OPTC: variants seen among roughly 807,000 people sequenced by gnomAD.
OPTC encodes oculoglycan.
In OPTC, 22 loss-of-function variants were observed where a neutral mutation model predicts 25.4. The observed-to-expected ratio is 0.87, with a 90% CI of 0.62 to 1.24. The LOEUF is 1.24. OPTC is among the 50% of genes most tolerant of loss of function. The probability of loss-of-function intolerance (pLI) is 0.00; values close to 1 mark genes in which losing one functional copy is unlikely to be tolerated. For synonymous variants in OPTC, 169 were observed against 179.3 expected (o/e 0.94, Z 0.46); for missense variants, 417 against 425.2 (o/e 0.98, Z 0.17).
At chr1:203,505,951 AGTGT>A (rs34373102) in intron 7 of OPTC, among the ~76,000 whole-genome samples, 1 of 149,980 alleles carries the variant, frequency 6.7e-6, no homozygotes, top group Non-Finnish European at 1.5e-5. Flanking sequence ...TCTCTCTCAG[AGTGT>A]GTGTGTGTGT....
intron 5 of OPTC, among the ~76,000 whole-genome samples, chr1:203,500,737 C>T (rs1661380365): frequency 6.6e-6 from 1 of 152,128 alleles, no homozygotes; most frequent in Non-Finnish European, 1.5e-5. Flanking sequence ...CTTTTGAGCA[C>T]TTTGTTGATG....
chr1:203,500,320 T>C (rs997656430), intron 5 of OPTC, among the ~76,000 whole-genome samples: 1 of 16,280 alleles, frequency 6.1e-5, no homozygotes, highest in East Asian at 1.7e-3. Flanking sequence ...CACCTCCACC[T>C]CTACCACCCA....
rs776915483 is a variant in OPTC, at chr1:203,496,995, G to A, written c.250G>A (p.Ala84Thr). ...QLPEVKVTSL[A>T]PATSISPAKS... The stretch of plus-strand genomic sequence containing the variant: ...TCTCCAGGTTAAGGTGACTAGCCTC[G>A]CTCCTGCAACCAGCATCAGTCCCGC... Residue 84 changes from alanine to threonine, a missense_variant, in exon 3 of 8, where the codon GCT (alanine) becomes ACT (threonine). Coordinates refer to ENST00000367222, the MANE Select transcript of OPTC (RefSeq NM_014359.4). The A allele has an allele frequency of 1.4e-5, 23 of 1,613,902 alleles. No individual in the cohort carries two copies. Among genetic ancestry groups the A allele is most frequent in the African/African-American group, 9.4e-5 (7 of 74,858 alleles).
At position 203,496,236 on chromosome 1, in the gene OPTC, G is replaced by A. The variant is rs972076188; in HGVS notation, c.231G>A (p.Glu77=). ...ELTDYGDQLP[E]VKVTSLAPAT... is the part of the protein sequence containing the mutation. ...CAGATTATGGGGACCAACTCCCCGA[G>A]GTGAGGGACACAGCAGACCAACTAC... The change falls in exon 2 of 8, where the codon GAG becomes GAA. Residue 77 remains glutamate (E), a splice_region_variant and synonymous_variant. Coordinates refer to ENST00000367222, the MANE Select transcript of OPTC (RefSeq NM_014359.4). 6.2e-7 allele frequency: 1 copy of A among 1,607,800 alleles called. No individual in the cohort carries two copies. Among genetic ancestry groups the A allele is most frequent in the African/African-American group, 1.3e-5 (1 of 74,892 alleles).
At position 203,496,232 on chromosome 1, in the gene OPTC, C is replaced by G. The variant is rs1444829317; in HGVS notation, c.227C>G (p.Pro76Arg). Residue 76 changes from proline (P) to arginine (R), a missense_variant, in exon 2 of 8, where the codon CCC becomes CGC. Pro to Arg is a moderately radical substitution (Grantham distance 103, BLOSUM62 -2). Coordinates refer to ENST00000367222, the MANE Select transcript of OPTC (RefSeq NM_014359.4). ...EELTDYGDQL[P>R]EVKVTSLAPA... is the part of the protein sequence containing the mutation. ...CTCACAGATTATGGGGACCAACTCC[C>G]CGAGGTGAGGGACACAGCAGACCAA... is the stretch of plus-strand genomic sequence containing the variant. The G allele has an allele frequency of 1.2e-6, 2 of 1,610,864 alleles. No individual in the cohort carries two copies. Among genetic ancestry groups the G allele is most frequent in the Admixed American group, 3.3e-5 (2 of 60,018 alleles).
At chr1:203,504,395 C>T (rs1280714599) in intron 7 of OPTC, among the ~76,000 whole-genome samples, 1 of 152,136 alleles carries the variant, frequency 6.6e-6, no homozygotes, top group Non-Finnish European at 1.5e-5. Context: ...GCATCTCTTC[C>T]AGCTCCTCAT....
intron 5 of OPTC, among the ~76,000 whole-genome samples, chr1:203,500,265 C>A: frequency 2.1e-5 from 1 of 48,568 alleles, no homozygotes; most frequent in East Asian, 4.6e-4. Context: ...CTCCACACAC[C>A]ACCACCCACC....
chr1:203,499,977 C>T, intron 5 of OPTC, 126 bp downstream of exon 5: 1 of 764,748 alleles, frequency 1.3e-6, no homozygotes, highest in Non-Finnish European at 2.2e-6. Flanking sequence ...CCACCCACCT[C>T]CACCATCACC....
intron 7 of OPTC, among the ~76,000 whole-genome samples, chr1:203,506,121 T>A (rs1375647898): frequency 1.3e-5 from 2 of 151,734 alleles, no homozygotes; most frequent in African/African-American, 4.8e-5. Flanking sequence ...ATGCAAGAGA[T>A]CCTGGATTGA....
intron 1 of OPTC, among the ~76,000 whole-genome samples, chr1:203,494,864 C>T (rs1336626051): frequency 6.6e-6 from 1 of 152,062 alleles, no homozygotes; most frequent in East Asian, 1.9e-4. Context: ...AACATTTGTA[C>T]TCACATGCAT....
At chr1:203,500,382 C>A (rs1342801431) in intron 5 of OPTC, among the ~76,000 whole-genome samples, 3 of 126,980 alleles carry the variant, frequency 2.4e-5, no homozygotes, top group Non-Finnish European at 5.0e-5. Flanking sequence ...TACCACCCAC[C>A]TGCACCTCCA....
chr1:203,506,524 G>A (rs918897792), intron 7 of OPTC, among the ~76,000 whole-genome samples: 2 of 151,686 alleles, frequency 1.3e-5, no homozygotes, highest in Admixed American at 1.3e-4. Flanking sequence ...TTGGGTACTG[G>A]AAGCCACATC....
At chr1:203,498,007 T>G (rs1035962319) in intron 3 of OPTC, among the ~76,000 whole-genome samples, 3 of 152,144 alleles carry the variant, frequency 2.0e-5, no homozygotes, top group South Asian at 2.1e-4. Context: ...CTCTGTGCCT[T>G]GTGATAGCAA....
rs1661289831 is a variant in OPTC at position 203,496,914 on chromosome 1, T to C, written c.232-63T>C. On this transcript the variant is annotated intron_variant, in intron 2 of 7. Coordinates refer to ENST00000367222, the MANE Select transcript of OPTC (RefSeq NM_014359.4). Reference sequence around the variant, plus strand: ...AAATCCATCACTGAGGTTCCCAGAGTCCAAAGTTAAGTCCCTTTTGTGCAA... The same window carrying C: ...AAATCCATCACTGAGGTTCCCAGAGCCCAAAGTTAAGTCCCTTTTGTGCAA... 1.9e-6 allele frequency: 3 copies of C among 1,581,826 alleles called. No homozygotes were observed. In the Admixed American group the frequency reaches 5.0e-5, roughly 26 times the overall value.
At chr1:203,507,232 G>C (rs1222466472) in intron 7 of OPTC, among the ~76,000 whole-genome samples, 1 of 152,212 alleles carries the variant, frequency 6.6e-6, no homozygotes, top group Non-Finnish European at 1.5e-5. Flanking sequence ...GGAAGGCAGA[G>C]AGCACCTCTT....
At chr1:203,499,199 G>A (rs1034512226) in intron 4 of OPTC, among the ~76,000 whole-genome samples, 1 of 152,028 alleles carries the variant, frequency 6.6e-6, no homozygotes, top group Non-Finnish European at 1.5e-5. Context: ...CTGTTTACAG[G>A]GTTGTTTGTG....
At position 203,502,930 on chromosome 1, in the gene OPTC, A is replaced by G; in HGVS notation, c.749A>G (p.Gln250Arg). ...PAAFRAMEKL[Q>R]FLYLSDNLLD... ...TCTCCACAGGCAATGGAGAAGCTGC[A>G]GTTCCTTTACCTGTCAGACAACCTG... is the stretch of plus-strand genomic sequence containing the variant. Residue 250 changes from glutamine (Q) to arginine (R), a missense_variant, in exon 6 of 8, where the codon CAG becomes CGG. Transcript: ENST00000367222. The G allele has an allele frequency of 6.2e-7, 1 of 1,613,942 alleles. No homozygotes were observed. Among genetic ancestry groups the G allele is most frequent in the Non-Finnish European group, 8.5e-7 (1 of 1,179,994 alleles).
At chr1:203,506,665 T>C (rs1045786511) in intron 7 of OPTC, among the ~76,000 whole-genome samples, 1 of 152,178 alleles carries the variant, frequency 6.6e-6, no homozygotes, top group African/African-American at 2.4e-5. Context: ...GAAGCTTTTC[T>C]GTGCATCAAC....
At chr1:203,496,300 T>G in intron 2 of OPTC, 64 bp downstream of exon 2, 53 of 1,213,796 alleles carry the variant, frequency 4.4e-5, no homozygotes, top group Non-Finnish European at 6.2e-5. Context: ...GCCAGGGCCC[T>G]CCCATCTGCC....
Sources: gnomAD v4.1 joint callset for allele counts (sites outside exome capture counted in the v4.1 genomes callset) on GRCh38, gnomAD v4.1.1 for gene constraint, MANE v1.5 for transcripts, NCBI Gene and HGNC (gene_info 2026-07-23, HGNC 2026-07-21) for gene names.